The following PEF1 variants were observed in gnomAD, a reference collection of about 807,000 sequenced individuals.
PEF1 encodes peflin.
A neutral mutation model predicts 32.0 loss-of-function variants in PEF1; 17 were observed. That is an observed-to-expected ratio of 0.53 (90% CI 0.36 to 0.80). PEF1 has a LOEUF of 0.80. Among genes scored for constraint, PEF1 ranks in the 30% least tolerant of loss-of-function variants. The pLI is 0.00. For synonymous variants in PEF1, 130 were observed against 139.8 expected (o/e 0.93, Z 0.50); for missense variants, 362 against 369.1 (o/e 0.98, Z 0.16).
At chr1:31,638,588 C>T (rs967113915) in intron 1 of PEF1, among the ~76,000 whole-genome samples, 2 of 152,244 alleles carry the variant, frequency 1.3e-5, no homozygotes, top group Non-Finnish European at 2.9e-5. Context: ...TAGGAAACAT[C>T]CCCAGGCCAA....
At chr1:31,635,561 C>T (rs1640234713) in intron 1 of PEF1, 39 bp from the exon 2 acceptor site, 2 of 1,497,764 alleles carry the variant, frequency 1.3e-6, no homozygotes, top group African/African-American at 1.4e-5. Flanking sequence ...ATGATGAGGC[C>T]AGAAACTAGG....
rs112007191 is a variant in PEF1 at position 31,636,221 on chromosome 1, G to A, written c.25-699C>T. The stretch of plus-strand genomic sequence containing the variant: ...GAAGTCTGAGGCGGGCAGACTGCTT[G>A]AGCCCAGGAGTTAGAGACCAGCCTG... On this transcript the variant is annotated intron_variant, in intron 1 of 4. Coordinates refer to ENST00000373703, the MANE Select transcript of PEF1 (RefSeq NM_012392.4). 3.5e-4 allele frequency among the ~76,000 whole-genome samples: 53 copies of A among 152,292 alleles called. 1 individual carries two copies. The highest frequency in any genetic ancestry group is 1.1e-3 in the African/African-American group (44 of 41,554).
chr1:31,640,499 G>C (rs1386335195), intron 1 of PEF1, among the ~76,000 whole-genome samples: 1 of 152,136 alleles, frequency 6.6e-6, no homozygotes, highest in Admixed American at 6.5e-5. Context: ...CAGAGGTAGA[G>C]GGGAAGGCTG....
At position 31,633,235 on chromosome 1, in the gene PEF1, G is replaced by A. The variant is rs755442673; in HGVS notation, c.405C>T (p.Ser135=). Residue 135 remains serine (S), a synonymous_variant, in exon 3 of 5, where the codon TCC becomes TCT. Transcript: ENST00000373703. ...SVDSDHSGYI[S]MKELKQALVN... is the part of the protein sequence containing the mutation. ...CCAGGGCCTGCTTTAGCTCCTTCAT[G>A]GAGATATAGCCACTGTGATCTGAGT... 1.5e-5 allele frequency: 25 copies of A among 1,613,978 alleles called. No homozygotes were observed. Among genetic ancestry groups the A allele is most frequent in the Non-Finnish European group, 2.1e-5 (25 of 1,179,996 alleles).
Position 31,630,413 on chromosome 1 carries a change from C to T in PEF1, c.*200G>A, listed in dbSNP as rs1316965815. On this transcript the variant is annotated 3_prime_UTR_variant, in exon 5 of 5. Transcript: ENST00000373703. ...ATCCTCTCCTCCATCAGGCCCCTATCTGTGTGGCCTCAGCCCCGGTCCTCA... is the reference window on the plus strand; with the variant it reads ...ATCCTCTCCTCCATCAGGCCCCTATTTGTGTGGCCTCAGCCCCGGTCCTCA... 1.2e-5 allele frequency: 7 copies of T among 605,164 alleles called. No individual in the cohort carries two copies. The highest frequency in any genetic ancestry group is 5.7e-5 in the East Asian group (2 of 35,110). The allele number at this position is 605,164 out of a possible 1,614,324, so 37.5% of individuals were successfully genotyped here.
At chr1:31,635,585 T>C (rs1333258261) in intron 1 of PEF1, 63 bp from the exon 2 acceptor site, 1 of 1,427,378 alleles carries the variant, frequency 7.0e-7, no homozygotes, top group African/African-American at 1.4e-5. Flanking sequence ...AGTATGGCAC[T>C]TTACAACCAT....
chr1:31,641,786 A>G (rs1225721719), intron 1 of PEF1, among the ~76,000 whole-genome samples: 5 of 152,228 alleles, frequency 3.3e-5, no homozygotes, highest in Non-Finnish European at 7.3e-5. Context: ...TTGAATACTT[A>G]TCACATTGCC....
chr1:31,644,413 G>T (rs1260324754), intron 1 of PEF1: 1 of 1,036,114 alleles, frequency 9.7e-7, no homozygotes, highest in African/African-American at 1.7e-5. Flanking sequence ...GTTTCCTGAT[G>T]ACTCTGATGC....
chr1:31,639,604 G>A (rs1640345300), intron 1 of PEF1, among the ~76,000 whole-genome samples: 1 of 152,208 alleles, frequency 6.6e-6, no homozygotes, highest in African/African-American at 2.4e-5. Flanking sequence ...CGGTGTGGAG[G>A]ATGAGCCAGT....
Position 31,632,515 on chromosome 1 carries a change from C to G in PEF1, c.605G>C (p.Ser202Thr). 1 of 1,614,232 alleles carries G rather than the reference C, an allele frequency of 6.2e-7. No homozygotes were observed. Among genetic ancestry groups the G allele is most frequent in the South Asian group, 1.1e-5 (1 of 91,088 alleles). ...CGCACCTTGCTGCAGCTCTGTGTAG[C>G]TAATGGAGCCCGAGCGGTCCCGGTC... ...QYDRDRSGSI[S>T]YTELQQALSQ... is the part of the protein sequence containing the mutation. Residue 202 changes from serine (S) to threonine (T), a missense_variant, in exon 4 of 5, where the codon AGC becomes ACC. Physicochemically the swap from Ser to Thr is moderately conservative, Grantham distance 58. Transcript: ENST00000373703.
intron 2 of PEF1, among the ~76,000 whole-genome samples, chr1:31,633,849 G>C (rs1640182926): frequency 6.6e-6 from 1 of 152,124 alleles, no homozygotes; most frequent in Admixed American, 6.5e-5. Context: ...CAGCTACTGG[G>C]GAGGCTGAAG....
chr1:31,635,845 T>C (rs1460860416), intron 1 of PEF1, among the ~76,000 whole-genome samples: 1 of 152,192 alleles, frequency 6.6e-6, no homozygotes. Context: ...CAGTGTAGAA[T>C]GGATACTTGG....
intron 1 of PEF1, among the ~76,000 whole-genome samples, chr1:31,638,803 T>C (rs139933779): frequency 1.3e-5 from 2 of 152,246 alleles, no homozygotes; most frequent in Non-Finnish European, 2.9e-5. Flanking sequence ...CTTTTACAGA[T>C]GAAGAAACTA....
At chr1:31,632,328 C>T in intron 4 of PEF1, 167 bp downstream of exon 4, 3 of 1,211,536 alleles carry the variant, frequency 2.5e-6, no homozygotes, top group Non-Finnish European at 3.6e-6. Context: ...CTCAGTGCCC[C>T]AGCTGGGTCA....
In PEF1 at chr1:31,634,213, G is replaced by C. The variant is rs141074287; in HGVS notation, c.326-899C>G. On this transcript the variant is annotated intron_variant, in intron 2 of 4. Transcript: ENST00000373703. The stretch of plus-strand genomic sequence containing the variant: ...GTTCTAGCCATCTTCCTAAAACATC[G>C]GTGTCATAGGGGAGCAAGGGCCACA... 1.1e-3 allele frequency among the ~76,000 whole-genome samples: 175 copies of C among 152,278 alleles called. 3 individuals carry two copies. The East Asian group carries it at 0.029, about 25-fold the overall frequency.
chr1:31,644,786 G>A (rs1640507907), intron 1 of PEF1, 55 bp downstream of exon 1: 4 of 1,612,824 alleles, frequency 2.5e-6, no homozygotes, highest in South Asian at 2.2e-5. Flanking sequence ...GGGGGACGTC[G>A]GGCCTGCGCC....
rs201448518 is a variant in PEF1 at position 31,635,296 on chromosome 1, G to A, written c.251C>T (p.Ala84Val). 10 of 1,614,014 alleles carry A rather than the reference G, an allele frequency of 6.2e-6. No homozygotes were observed. Among genetic ancestry groups the A allele is most frequent in the Non-Finnish European group, 8.5e-7 (1 of 1,180,026 alleles). The change falls in exon 2 of 5, where the codon GCA becomes GTA. Residue 84 changes from alanine (A) to valine (V), a missense_variant. Ala to Val is a moderately conservative substitution (Grantham distance 64). Coordinates refer to ENST00000373703, the MANE Select transcript of PEF1 (RefSeq NM_012392.4). ...CTGACCATAGGGGCCCCCGGGAGCT[G>A]CACCGCCATATGGTCCTCCTGGAGT... ...SGTPGGPYGGAAPGGPYGQPP... is the reference protein window; with the variant it reads ...SGTPGGPYGGVAPGGPYGQPP...
intron 3 of PEF1, among the ~76,000 whole-genome samples, 161 bp downstream of exon 3, chr1:31,632,998 C>G (rs1262807364): frequency 1.3e-5 from 2 of 152,158 alleles, no homozygotes; most frequent in African/African-American, 4.8e-5. Context: ...GAAAAGAGCT[C>G]TCAGTCTAGG....
intron 1 of PEF1, among the ~76,000 whole-genome samples, chr1:31,638,184 G>A (rs1557588122): frequency 6.6e-6 from 1 of 152,152 alleles, no homozygotes; most frequent in South Asian, 2.1e-4. Flanking sequence ...CTTAGAGAAC[G>A]AACAGGATTC....
Sources: allele counts gnomAD v4.1 joint callset (sites outside exome capture counted in the v4.1 genomes callset), GRCh38; gene constraint gnomAD v4.1.1; transcripts MANE v1.5; gene names NCBI Gene and HGNC (gene_info 2026-07-23, HGNC 2026-07-21).